The following MARCHF8 variants were observed in gnomAD, a reference collection of about 807,000 sequenced individuals.
MARCHF8 encodes the protein E3 ubiquitin-protein ligase MARCHF8.
A neutral mutation model predicts 51.6 loss-of-function variants in MARCHF8; 40 were observed. That is an observed-to-expected ratio of 0.77 (90% confidence interval 0.60 to 1.01). The LOEUF (loss-of-function observed/expected upper bound fraction) is 1.01, where lower values mean the gene tolerates loss of function less well. Ranked by LOEUF, MARCHF8 falls within the 50% of genes least tolerant of loss-of-function variation. The pLI is 0.00. For synonymous variants in MARCHF8, 263 were observed against 280.3 expected, an observed-to-expected ratio of 0.94 and a Z score of 0.62; for missense variants, 685 against 708.6, an observed-to-expected ratio of 0.97 and a Z score of 0.38.
In MARCHF8 at chr10:45,563,304, G is replaced by A. The variant is rs112782137; in HGVS notation, c.-78-30015C>T. The stretch of plus-strand genomic sequence containing the variant: ...GGCCTCCCAAAGTGCTGGAATTACA[G>A]CCGTGAGCCACTGCGCCCAGCCCCG... On this transcript the variant is annotated intron_variant, in intron 1 of 6. Transcript: ENST00000319836. Among the ~76,000 whole-genome samples the A allele has an allele frequency of 5.1e-3, 780 of 152,262 alleles. 4 individuals are homozygous for A. The highest frequency in any genetic ancestry group is 7.7e-3 in the Non-Finnish European group (527 of 68,022).
intron 2 of MARCHF8, among the ~76,000 whole-genome samples, chr10:45,531,565 T>C (rs1462664599): frequency 6.6e-6 from 1 of 152,176 alleles, no homozygotes; most frequent in Non-Finnish European, 1.5e-5. Flanking sequence ...AAGGTTCTCA[T>C]ACTGTATTTG....
chr10:45,580,591 G>T (rs1232936788), intron 1 of MARCHF8, among the ~76,000 whole-genome samples: 1 of 152,168 alleles, frequency 6.6e-6, no homozygotes, highest in Non-Finnish European at 1.5e-5. Context: ...TGTAAAAAAT[G>T]TATCTAGCTA....
intron 1 of MARCHF8, among the ~76,000 whole-genome samples, chr10:45,564,404 G>T (rs2133374117): frequency 6.6e-6 from 1 of 152,168 alleles, no homozygotes; most frequent in South Asian, 2.1e-4. Flanking sequence ...CACTGAACTG[G>T]AAAACAAACC....
chr10:45,512,129 C>T (rs1190606958), intron 2 of MARCHF8, among the ~76,000 whole-genome samples: 2 of 151,404 alleles, frequency 1.3e-5, no homozygotes, highest in Non-Finnish European at 2.9e-5. Flanking sequence ...AGCGCCCAGC[C>T]GCGACCCCGT....
intron 3 of MARCHF8, among the ~76,000 whole-genome samples, chr10:45,486,550 C>T (rs917261755): frequency 1.3e-5 from 2 of 151,902 alleles, no homozygotes; most frequent in Non-Finnish European, 2.9e-5. Context: ...GGCTACGGAG[C>T]GAGACTCTGT....
At chr10:45,487,550 G>A (rs1347000048) in intron 3 of MARCHF8, among the ~76,000 whole-genome samples, 1 of 152,104 alleles carries the variant, frequency 6.6e-6, no homozygotes, top group Non-Finnish European at 1.5e-5. Flanking sequence ...TGCAAAAATG[G>A]GCAGCAATGG....
At chr10:45,507,669 G>C (rs1424361458) in intron 2 of MARCHF8, among the ~76,000 whole-genome samples, 1 of 152,136 alleles carries the variant, frequency 6.6e-6, no homozygotes, top group African/African-American at 2.4e-5. Flanking sequence ...TCCAACATTG[G>C]GGATAACATT....
rs577211231 is a variant in MARCHF8 at position 45,561,574 on chromosome 10, G to A, written c.-78-28285C>T. Among the ~76,000 whole-genome samples, 132 of 149,228 alleles carry A rather than the reference G, an allele frequency of 8.8e-4. No homozygotes were observed. The South Asian group carries it at 0.025, about 29-fold the overall frequency. The stretch of plus-strand genomic sequence containing the variant: ...CAGGCGTGAGCCACCACGCCCAGCC[G>A]AAACAGATTATTAAATAGCGAATTA... On this transcript the variant is annotated intron_variant, in intron 1 of 6. Transcript: ENST00000319836.
chr10:45,461,260 T>C lies in MARCHF8; in HGVS notation c.1240A>G (p.Met414Val), dbSNP rs1842774384. The change falls in exon 6 of 8, where the codon ATG becomes GTG. Residue 414 changes from methionine to valine, a missense_variant. Coordinates refer to ENST00000453424, the MANE Select transcript of MARCHF8 (RefSeq NM_001282866.2). ...CCELCKYEFI[M>V]ETKLKPLRKW... Reference sequence around the variant, plus strand: ...CTCAGTGGCTTCAGCTTGGTCTCCATGATGAACTCATACTTGCAGAGCTCG... The same window carrying C: ...CTCAGTGGCTTCAGCTTGGTCTCCACGATGAACTCATACTTGCAGAGCTCG... The C allele has an allele frequency of 6.4e-7, 1 of 1,567,542 alleles. No homozygotes were observed. The highest frequency in any genetic ancestry group is 8.6e-7 in the Non-Finnish European group (1 of 1,156,710).
chr10:45,460,279 G>A (rs1032329636), intron 6 of MARCHF8, among the ~76,000 whole-genome samples: 1 of 152,074 alleles, frequency 6.6e-6, no homozygotes, highest in Non-Finnish European at 1.5e-5. Flanking sequence ...CACCTTTCTA[G>A]GGTATGCTTT....
chr10:45,536,348 C>A (rs2043969907), upstream of MARCHF8, among the ~76,000 whole-genome samples: 1 of 152,022 alleles, frequency 6.6e-6, no homozygotes, highest in Admixed American at 6.6e-5. Flanking sequence ...TAGATAGCCA[C>A]ATGCAAAAGA....
intron 3 of MARCHF8, among the ~76,000 whole-genome samples, chr10:45,482,894 G>A (rs539928571): frequency 1.3e-4 from 20 of 152,320 alleles, no homozygotes; most frequent in African/African-American, 4.8e-4. Flanking sequence ...GTTAGGGAAA[G>A]GATACCCTCT....
rs187270369 is a variant in MARCHF8 at position 45,497,391 on chromosome 10, G to C, written c.103-7974C>G. On this transcript the variant is annotated intron_variant, in intron 2 of 7. Transcript: ENST00000453424. ...CCTGCTTTCAACAATGAACAGCCGA[G>C]CTATGTAAAAGACTTGAACAGCACT... Among the ~76,000 whole-genome samples, 225 of 152,252 alleles carry C rather than the reference G, an allele frequency of 1.5e-3. 1 individual carries two copies. The highest frequency in any genetic ancestry group is 4.1e-3 in the African/African-American group (171 of 41,546).
At chr10:45,503,839 C>G (rs1236170332) in intron 2 of MARCHF8, among the ~76,000 whole-genome samples, 1 of 151,460 alleles carries the variant, frequency 6.6e-6, no homozygotes, top group African/African-American at 2.4e-5. Flanking sequence ...ACCCTGAAAA[C>G]ATTATGCTAT....
In MARCHF8 at chr10:45,457,403, C is replaced by G. The variant is rs906391044; in HGVS notation, c.*836G>C. On this transcript the variant is annotated 3_prime_UTR_variant, in exon 8 of 8. Transcript: ENST00000453424. ...TCATGCTTTAATTGCCATTTAGCATCCACTAATTCCCATGAGATCTGTGAT... is the reference window on the plus strand; with the variant it reads ...TCATGCTTTAATTGCCATTTAGCATGCACTAATTCCCATGAGATCTGTGAT... 1 of 152,342 alleles carries G rather than the reference C, an allele frequency of 6.6e-6. No homozygotes were observed. The highest frequency in any genetic ancestry group is 1.9e-4 in the East Asian group (1 of 5,178). 9.4% of individuals were successfully genotyped at this position (152,342 alleles called of 1,614,324 possible). A position where few individuals can be genotyped will look rare whatever the true frequency, so the allele number is the denominator to read the frequency against.
intron 2 of MARCHF8, among the ~76,000 whole-genome samples, chr10:45,522,967 CCT>C (rs771331410): frequency 2.0e-5 from 3 of 152,124 alleles, no homozygotes; most frequent in Admixed American, 6.6e-5. Context: ...GAATGAGACC[CCT>C]GTCTCTTAAA....
chr10:45,490,836 C>G (rs373906898), intron 2 of MARCHF8, among the ~76,000 whole-genome samples: 4 of 152,148 alleles, frequency 2.6e-5, no homozygotes, highest in South Asian at 4.1e-4. Context: ...CTCTTGGGCT[C>G]AAGTGATCCT....
rs192937032 is a variant in MARCHF8, at chr10:45,489,429, T to A, written c.103-12A>T. On this transcript the variant is annotated splice_polypyrimidine_tract_variant and intron_variant, in intron 2 of 7. Coordinates refer to ENST00000453424, the MANE Select transcript of MARCHF8 (RefSeq NM_001282866.2). ...AAAGTCTTCTCATTCTGCAAGAAAA[T>A]CAAACAGGTTTTAATTATCAATCTT... 46 of 1,608,702 alleles carry A rather than the reference T, an allele frequency of 2.9e-5. No homozygotes were observed. The African/African-American group carries it at 4.9e-4, about 17-fold the overall frequency.
intron 2 of MARCHF8, among the ~76,000 whole-genome samples, chr10:45,511,046 C>T (rs1183640091): frequency 6.6e-6 from 1 of 152,082 alleles, no homozygotes; most frequent in South Asian, 2.1e-4. Flanking sequence ...AAATTAAATG[C>T]TTTTTAAAAG....
Sources: gnomAD v4.1 joint callset for allele counts (sites outside exome capture counted in the v4.1 genomes callset) on GRCh38, gnomAD v4.1.1 for gene constraint, MANE v1.5 for transcripts, NCBI Gene and HGNC (gene_info 2026-07-23, HGNC 2026-07-21) for gene names.